The following FCHSD2 variants were observed in gnomAD, a reference collection of about 807,000 sequenced individuals.
FCHSD2 encodes the protein FCH and double SH3 domains 2.
Under a neutral mutation model 108.1 loss-of-function variants are expected in FCHSD2, and 38 were observed. The observed-to-expected ratio is 0.35, with a 90% CI of 0.27 to 0.46. FCHSD2 has a LOEUF of 0.46. Ranked by LOEUF, FCHSD2 falls within the 20% of genes least tolerant of loss-of-function variation. The pLI is 1.00. For missense variants in FCHSD2, 751 were observed against 897.8 expected (o/e 0.84, Z 2.09); for synonymous variants, 279 against 314.7 (o/e 0.89, Z 1.20).
chr11:73,094,976 A>C lies in FCHSD2; in HGVS notation c.120-11236T>G, dbSNP rs570926266. 1.1e-4 allele frequency among the ~76,000 whole-genome samples: 16 copies of C among 152,344 alleles called. No homozygotes were observed. In the South Asian group the frequency reaches 2.7e-3, roughly 26 times the overall value. On this transcript the variant is annotated intron_variant, in intron 2 of 19. Coordinates refer to ENST00000409418, the MANE Select transcript of FCHSD2 (RefSeq NM_014824.3). ...ATATTAATTCTCTAACATCCATTGA[A>C]TATCTTCTGGATTTCAGGAATTCTA...
chr11:72,965,896 T>C (rs139791467), intron 8 of FCHSD2, among the ~76,000 whole-genome samples: 1 of 152,280 alleles, frequency 6.6e-6, no homozygotes, highest in Non-Finnish European at 1.5e-5. Context: ...CAGAACACAA[T>C]ACTGGAGGGG....
intron 14 of FCHSD2, among the ~76,000 whole-genome samples, chr11:72,845,846 C>A (rs1444697323): frequency 6.6e-6 from 1 of 152,112 alleles, no homozygotes; most frequent in Admixed American, 6.6e-5. Flanking sequence ...CTGTAAGATA[C>A]CTTTGAACCT....
At chr11:72,952,044 C>T (rs1856629978) in intron 8 of FCHSD2, among the ~76,000 whole-genome samples, 1 of 152,116 alleles carries the variant, frequency 6.6e-6, no homozygotes, top group African/African-American at 2.4e-5. Context: ...CAAAAATTCC[C>T]TGAAGCTTCA....
chr11:72,846,810 T>G (rs570735377), intron 14 of FCHSD2, among the ~76,000 whole-genome samples: 1 of 152,310 alleles, frequency 6.6e-6, no homozygotes, highest in African/African-American at 2.4e-5. Flanking sequence ...TATGCATAAT[T>G]GAGCTCTTAC....
intron 8 of FCHSD2, among the ~76,000 whole-genome samples, chr11:72,936,704 G>C (rs1195482534): frequency 6.6e-6 from 1 of 152,122 alleles, no homozygotes. Context: ...CTTTGCTGCT[G>C]AACACTTATA....
intron 13 of FCHSD2, among the ~76,000 whole-genome samples, chr11:72,863,982 T>C (rs756421763): frequency 6.6e-6 from 1 of 152,260 alleles, no homozygotes; most frequent in Non-Finnish European, 1.5e-5. Flanking sequence ...CATATGATCT[T>C]AGCAGTTTTA....
intron 3 of FCHSD2, among the ~76,000 whole-genome samples, chr11:73,060,394 T>C (rs554840583): frequency 6.6e-6 from 1 of 152,312 alleles, no homozygotes; most frequent in Admixed American, 6.5e-5. Flanking sequence ...TAATTTCATT[T>C]CAAACATTCT....
chr11:73,080,296 CAAA>C (rs370633105), intron 3 of FCHSD2, among the ~76,000 whole-genome samples: 8 of 52,294 alleles, frequency 1.5e-4, no homozygotes, highest in African/African-American at 4.6e-4. Flanking sequence ...GACCCTGTCT[CAAA>C]AAAAAAAAAA....
chr11:72,983,841 T>C (rs1445519230), intron 8 of FCHSD2: 1 of 577,540 alleles, frequency 1.7e-6, no homozygotes, highest in East Asian at 4.0e-5. Context: ...AGATAACAAA[T>C]GTTTGCCGCA....
At chr11:72,924,840 T>C (rs776682836) in intron 8 of FCHSD2, among the ~76,000 whole-genome samples, 5 of 152,180 alleles carry the variant, frequency 3.3e-5, no homozygotes, top group Non-Finnish European at 7.3e-5. Flanking sequence ...TTATGTAACA[T>C]AACCAGAGAC....
At chr11:73,021,058 T>C (rs1027747544) in intron 3 of FCHSD2, among the ~76,000 whole-genome samples, 3 of 151,922 alleles carry the variant, frequency 2.0e-5, no homozygotes, top group Non-Finnish European at 4.4e-5. Context: ...TAAAATTTTT[T>C]GTAGAGATGG....
At chr11:73,054,343 A>C (rs1417140044) in intron 3 of FCHSD2, among the ~76,000 whole-genome samples, 1 of 152,144 alleles carries the variant, frequency 6.6e-6, no homozygotes, top group Admixed American at 6.5e-5. Flanking sequence ...CCAGACCCTT[A>C]AAACGATTAA....
At chr11:73,035,150 TTATGTATGTATGTATG>T (rs200439027) in intron 3 of FCHSD2, among the ~76,000 whole-genome samples, 145 of 143,826 alleles carry the variant, frequency 1.0e-3, no homozygotes, top group Non-Finnish European at 1.9e-3. Flanking sequence ...GTTTTTATTT[TTATGTATGTATGTATG>T]TATGTATGTA....
At chr11:73,002,411 A>G (rs1266445221) in intron 4 of FCHSD2, among the ~76,000 whole-genome samples, 1 of 152,224 alleles carries the variant, frequency 6.6e-6, no homozygotes, top group East Asian at 1.9e-4. Context: ...AGTTAAGAGC[A>G]GCAAAACGAA....
chr11:72,914,361 T>C (rs964493966), intron 9 of FCHSD2, among the ~76,000 whole-genome samples: 1 of 152,140 alleles, frequency 6.6e-6, no homozygotes, highest in East Asian at 1.9e-4. Flanking sequence ...TGAACTACCA[T>C]TGACATTCTT....
intron 4 of FCHSD2, among the ~76,000 whole-genome samples, chr11:73,008,434 C>T (rs921350032): frequency 3.3e-5 from 5 of 152,022 alleles, no homozygotes; most frequent in Admixed American, 1.3e-4. Context: ...AATGTTCATA[C>T]ATGGTTGTTA....
chr11:73,100,101 C>A (rs544048651), intron 2 of FCHSD2, among the ~76,000 whole-genome samples: 27 of 152,296 alleles, frequency 1.8e-4, no homozygotes, highest in Admixed American at 1.6e-3. Flanking sequence ...GGCTGTGACA[C>A]CCCGCTAATC....
At chr11:72,985,178 C>A in intron 6 of FCHSD2, 62 bp from the exon 7 acceptor site, 1 of 395,402 alleles carries the variant, frequency 2.5e-6, no homozygotes, top group Non-Finnish European at 4.6e-6. Flanking sequence ...AATAAAATTA[C>A]TAAATATATT....
chr11:73,024,082 C>T (rs1231381145), intron 3 of FCHSD2, among the ~76,000 whole-genome samples: 1 of 152,054 alleles, frequency 6.6e-6, no homozygotes, highest in Non-Finnish European at 1.5e-5. Context: ...CAACACTATA[C>T]ATTTGTCAAA....
Sources: gnomAD v4.1 joint callset for allele counts (sites outside exome capture counted in the v4.1 genomes callset) on GRCh38, gnomAD v4.1.1 for gene constraint, MANE v1.5 for transcripts, NCBI Gene and HGNC (gene_info 2026-07-23, HGNC 2026-07-21) for gene names.